The following LRIG3 variants were observed in gnomAD, a reference collection of about 807,000 sequenced individuals.
LRIG3 encodes the protein leucine rich repeats and immunoglobulin like domains 3.
LRIG3 carries 76 observed loss-of-function variants against 114.5 expected under a neutral mutation model. That is an observed-to-expected ratio of 0.66 (90% CI 0.55 to 0.80). The LOEUF is 0.80. Among genes scored for constraint, LRIG3 ranks in the 30% least tolerant of loss-of-function variants. LRIG3 has a pLI of 0.00. For synonymous variants in LRIG3, 512 were observed against 519.8 expected (o/e 0.98, Z 0.20); for missense variants, 1,239 against 1,382.8 (o/e 0.90, Z 1.65).
At chr12:58,897,260 C>T (rs570232308) in intron 3 of LRIG3, among the ~76,000 whole-genome samples, 1 of 152,280 alleles carries the variant, frequency 6.6e-6, no homozygotes, top group East Asian at 1.9e-4. Flanking sequence ...GGACACTAAC[C>T]AGCAAACGAG....
intron 3 of LRIG3, among the ~76,000 whole-genome samples, chr12:58,900,255 T>C (rs890557944): frequency 1.3e-5 from 2 of 152,024 alleles, no homozygotes; most frequent in Non-Finnish European, 2.9e-5. Flanking sequence ...AGGTTCTAAA[T>C]TCCTAAGCCA....
intron 2 of LRIG3, 102 bp downstream of exon 2, chr12:58,914,163 G>C: frequency 1.3e-6 from 2 of 1,510,402 alleles, no homozygotes; most frequent in African/African-American, 1.4e-5. Context: ...CAAGTTAAAA[G>C]TTTTGAATAA....
chr12:58,913,787 A>G, intron 3 of LRIG3, 195 bp downstream of exon 3: 2 of 550,950 alleles, frequency 3.6e-6, no homozygotes, highest in Admixed American at 3.5e-5. Flanking sequence ...GTGTTGTTAT[A>G]AGAATACATG....
At position 58,886,791 on chromosome 12, in the gene LRIG3, T is replaced by A. The variant is rs1871289409; in HGVS notation, c.1172+19A>T. 6.2e-7 allele frequency: 1 copy of A among 1,609,220 alleles called. No individual in the cohort carries two copies. The highest frequency in any genetic ancestry group is 8.5e-7 in the Non-Finnish European group (1 of 1,176,058). On this transcript the variant is annotated intron_variant, in intron 9 of 18. Coordinates refer to ENST00000320743, the MANE Select transcript of LRIG3 (RefSeq NM_153377.5). ...TTAAATCAAAGAGTGAGCTAAATTATGAGGCAATTCATACTCACAGTCGCC... is the reference window on the plus strand; with the variant it reads ...TTAAATCAAAGAGTGAGCTAAATTAAGAGGCAATTCATACTCACAGTCGCC...
At chr12:58,914,200 G>A (rs558080594) in intron 2 of LRIG3, 65 bp downstream of exon 2, 167 of 1,525,050 alleles carry the variant, frequency 1.1e-4, no homozygotes, top group Non-Finnish European at 1.3e-4. Context: ...TATTCCTTAC[G>A]GTTAAATAGT....
Position 58,877,794 on chromosome 12 carries a change from G to A in LRIG3, c.2142C>T (p.Ala714=), listed in dbSNP as rs372087686. ...TTCCTCCAGCAATGCACTGTAGGAC[G>A]GCTGTTTCTCCCTTGGTTACAGTTC... ...LDRTVTKGET[A]VLQCIAGGSP... The change falls in exon 15 of 19, where the codon GCC becomes GCT. Residue 714 remains alanine, a synonymous_variant. Transcript: ENST00000320743. 32 of 1,614,044 alleles carry A rather than the reference G, an allele frequency of 2.0e-5. No individual in the cohort carries two copies. In the African/African-American group the frequency reaches 2.1e-4, roughly 11 times the overall value.
chr12:58,914,552 A>T, intron 1 of LRIG3: 2 of 516,526 alleles, frequency 3.9e-6, no homozygotes, highest in Non-Finnish European at 6.8e-6. Flanking sequence ...CAAATACTTT[A>T]AGCCCACAAA....
Position 58,877,652 on chromosome 12 carries a change from C to T in LRIG3, c.2284G>A (p.Ala762Thr). The T allele has an allele frequency of 6.2e-7, 1 of 1,614,190 alleles. No homozygotes were observed. Among genetic ancestry groups the T allele is most frequent in the South Asian group, 1.1e-5 (1 of 91,092 alleles). The change falls in exon 15 of 19, where the codon GCT becomes ACT. Residue 762 changes from alanine (A) to threonine (T), a missense_variant. By Grantham distance (58) the Ala-to-Thr change is moderately conservative. Transcript: ENST00000320743. ...LIIVDSDVSDAGKYTCEMSNT... is the reference protein window; with the variant it reads ...LIIVDSDVSDTGKYTCEMSNT... Reference sequence around the variant, plus strand: ...GACATCTCACATGTGTATTTCCCAGCATCACTGACATCTGAGTCCACAATA... The same window carrying T: ...GACATCTCACATGTGTATTTCCCAGTATCACTGACATCTGAGTCCACAATA...
intron 4 of LRIG3, 44 bp from the exon 5 acceptor site, chr12:58,890,183 C>T (rs778401334): frequency 2.2e-5 from 35 of 1,601,698 alleles, no homozygotes; most frequent in African/African-American, 1.3e-5. Flanking sequence ...GATTTATTTG[C>T]AAGTTAAAGT....
intron 3 of LRIG3, among the ~76,000 whole-genome samples, chr12:58,893,499 A>T (rs1351674858): frequency 1.3e-5 from 2 of 152,208 alleles, no homozygotes; most frequent in African/African-American, 4.8e-5. Context: ...TTTAGAGTCA[A>T]GTCAGCCATG....
At chr12:58,899,459 A>G (rs1021415719) in intron 3 of LRIG3, among the ~76,000 whole-genome samples, 1 of 150,278 alleles carries the variant, frequency 6.7e-6, no homozygotes, top group Non-Finnish European at 1.5e-5. Flanking sequence ...CTTTTTTCTG[A>G]GTTTTTCAAC....
chr12:58,883,060 T>C (rs1340165981), intron 11 of LRIG3, 28 bp from the exon 12 acceptor site: 1 of 1,575,216 alleles, frequency 6.3e-7, no homozygotes, highest in South Asian at 1.2e-5. Flanking sequence ...ATTCAATTTG[T>C]TCTGTATGAA....
At chr12:58,911,653 T>C (rs556884541) in intron 3 of LRIG3, among the ~76,000 whole-genome samples, 3 of 151,826 alleles carry the variant, frequency 2.0e-5, no homozygotes, top group East Asian at 3.9e-4. Flanking sequence ...TGTCATGTTA[T>C]ATAACTTAAC....
At position 58,882,011 on chromosome 12, in the gene LRIG3, C is replaced by T. The variant is rs373157639; in HGVS notation, c.1480+858G>A. Among the ~76,000 whole-genome samples the T allele has an allele frequency of 7.2e-5, 11 of 152,284 alleles. No individual in the cohort carries two copies. The South Asian group carries it at 1.0e-3, about 14-fold the overall frequency. On this transcript the variant is annotated intron_variant, in intron 12 of 18. Transcript: ENST00000320743. ...TGAATGCCAAAAGCTTATTCAGTTCCAAAAGCTACATCAGAGGTTTTATTT... is the reference window on the plus strand; with the variant it reads ...TGAATGCCAAAAGCTTATTCAGTTCTAAAAGCTACATCAGAGGTTTTATTT...
chr12:58,901,316 T>C (rs1478971820), intron 3 of LRIG3, among the ~76,000 whole-genome samples: 1 of 152,220 alleles, frequency 6.6e-6, no homozygotes, highest in Admixed American at 6.5e-5. Context: ...GGTTGAGAGA[T>C]GACCCCACCA....
intron 1 of LRIG3, chr12:58,919,351 T>A: frequency 6.5e-7 from 1 of 1,544,532 alleles, no homozygotes; most frequent in East Asian, 2.4e-5. Context: ...ACGCCCTTGA[T>A]TCTGGATAAT....
chr12:58,891,734 G>C (rs1370660895), intron 3 of LRIG3, among the ~76,000 whole-genome samples: 1 of 152,048 alleles, frequency 6.6e-6, no homozygotes, highest in Non-Finnish European at 1.5e-5. Context: ...TACATAAGAA[G>C]AACACTCCAG....
Position 58,880,583 on chromosome 12 carries a change from T to C in LRIG3, c.1799A>G (p.Asn600Ser). Residue 600 changes from asparagine (N) to serine (S), a missense_variant and splice_region_variant, in exon 13 of 19, where the codon AAT (asparagine) becomes AGT (serine). Physicochemically the swap from Asn to Ser is conservative, Grantham distance 46. Transcript: ENST00000320743. ...SYSVKAKLTV[N>S]MLPSFTKTPM... ...AAAGGAAAAGTCAGATCACATACTA[T>C]TTACTGTAAGCTTGGCTTTGACAGA... The C allele has an allele frequency of 1.2e-6, 2 of 1,610,120 alleles. No homozygotes were observed. Among genetic ancestry groups the C allele is most frequent in the Non-Finnish European group, 1.7e-6 (2 of 1,176,650 alleles).
rs368303912 is a variant in LRIG3 at position 58,907,720 on chromosome 12, A to T, written c.383+6262T>A. Among the ~76,000 whole-genome samples, 9 of 152,360 alleles carry T rather than the reference A, an allele frequency of 5.9e-5. No homozygotes were observed. The South Asian group carries it at 1.9e-3, about 32-fold the overall frequency. On this transcript the variant is annotated intron_variant, in intron 3 of 18. Coordinates refer to ENST00000320743, the MANE Select transcript of LRIG3 (RefSeq NM_153377.5). ...AAGTCTGTCTAAGGTCAGACAGGTT[A>T]GTAGTGTGAGACGAGACGAAAACCT... is the stretch of plus-strand genomic sequence containing the variant.
Sources: allele counts gnomAD v4.1 joint callset (sites outside exome capture counted in the v4.1 genomes callset), GRCh38; gene constraint gnomAD v4.1.1; transcripts MANE v1.5; gene names NCBI Gene and HGNC (gene_info 2026-07-23, HGNC 2026-07-21).